The following NBAS variants were observed in gnomAD, a reference collection of about 807,000 sequenced individuals.
NBAS encodes NBAS subunit of NRZ tethering complex.
In NBAS, 219 loss-of-function variants were observed where a neutral mutation model predicts 302.5. That is an observed-to-expected ratio of 0.72 (90% CI 0.65 to 0.81). NBAS has a LOEUF of 0.81. NBAS is among the 30% of genes least tolerant of loss of function. NBAS has a pLI of 0.00. For missense variants in NBAS, 2,932 were observed against 2,841.6 expected (o/e 1.03, Z -0.72); for synonymous variants, 1,118 against 1,021.6 (o/e 1.09, Z -1.80).
intron 32 of NBAS, among the ~76,000 whole-genome samples, chr2:15,356,834 C>T (rs1482680741): frequency 6.6e-6 from 1 of 152,166 alleles, no homozygotes; most frequent in Non-Finnish European, 1.5e-5. Flanking sequence ...AACTTCTCAT[C>T]ATAAAAATTC....
the NBAS span, among the ~76,000 whole-genome samples, chr2:14,917,625 C>T: frequency 2.8e-4 from 42 of 152,290 alleles, no homozygotes; most frequent in Admixed American, 2.7e-3. Flanking sequence ...AGGGTCAAAA[C>T]TGGGCTTTCA....
chr2:15,557,582 G>A (rs1046413286), intron 2 of NBAS, among the ~76,000 whole-genome samples: 1 of 152,100 alleles, frequency 6.6e-6, no homozygotes, highest in African/African-American at 2.4e-5. Context: ...AATTTTATCA[G>A]AAGATAAAAG....
rs761634052 is a variant in NBAS at position 15,167,286 on chromosome 2, AG to A, written c.6877del (p.Leu2293CysfsTer9). 1.4e-5 allele frequency: 22 copies of A among 1,614,148 alleles called. No individual in the cohort carries two copies. The Admixed American group carries it at 3.7e-4, about 27-fold the overall frequency. ...CACCAGCAGCTTGGCATCCAGGAGC[AG>A]GGAAAGAAGTTCTTGGTCACAATTG... ...DSNCDQELLS[L>X]LLDAKLLVKC... On this transcript the variant is annotated frameshift_variant, in exon 52 of 52. Transcript: ENST00000281513. LOFTEE classifies it low-confidence loss of function (END_TRUNC).
At chr2:15,321,789 TAGG>T (rs1671819641) in intron 38 of NBAS, among the ~76,000 whole-genome samples, 1 of 152,134 alleles carries the variant, frequency 6.6e-6, no homozygotes, top group Non-Finnish European at 1.5e-5. Flanking sequence ...ACACTGTTGG[TAGG>T]AGTGTAAATT....
At chr2:15,244,381 G>T (rs1172437302) in intron 44 of NBAS, among the ~76,000 whole-genome samples, 2 of 151,812 alleles carry the variant, frequency 1.3e-5, no homozygotes, top group Non-Finnish European at 2.9e-5. Flanking sequence ...AAGAAACTGG[G>T]GTCATGGAGA....
intron 21 of NBAS, among the ~76,000 whole-genome samples, chr2:15,458,522 T>G (rs1362551201): frequency 2.0e-5 from 3 of 152,156 alleles, no homozygotes; most frequent in African/African-American, 4.8e-5. Flanking sequence ...TTTTCTCTCT[T>G]GCTTCCCTCT....
the NBAS span, among the ~76,000 whole-genome samples, chr2:14,857,659 A>G: frequency 6.6e-6 from 1 of 152,336 alleles, no homozygotes; most frequent in Non-Finnish European, 1.5e-5. Flanking sequence ...CTTGCTATAT[A>G]TAAAAATCAA....
chr2:15,318,225 T>C (rs984984920), intron 38 of NBAS, among the ~76,000 whole-genome samples: 6 of 152,148 alleles, frequency 3.9e-5, no homozygotes, highest in African/African-American at 1.4e-4. Context: ...CAGGCCTGCC[T>C]TACAAGAGCT....
intron 22 of NBAS, 111 bp from the exon 23 acceptor site, chr2:15,424,579 C>T (rs1383710148): frequency 2.4e-6 from 3 of 1,257,470 alleles, no homozygotes; most frequent in East Asian, 4.7e-5. Context: ...AGACAGGGAG[C>T]ATACATGTAT....
chr2:15,115,249 T>C, the NBAS span, among the ~76,000 whole-genome samples: 1 of 152,164 alleles, frequency 6.6e-6, no homozygotes, highest in Non-Finnish European at 1.5e-5. Context: ...GTTTTGCCCC[T>C]GCATGCCATC....
chr2:15,169,048 G>C (rs1664166138), intron 51 of NBAS, among the ~76,000 whole-genome samples: 1 of 152,206 alleles, frequency 6.6e-6, no homozygotes, highest in Non-Finnish European at 1.5e-5. Flanking sequence ...AAATGGCTGA[G>C]TGAACCTACA....
At chr2:15,157,997 G>A in the NBAS span, among the ~76,000 whole-genome samples, 2 of 152,274 alleles carry the variant, frequency 1.3e-5, no homozygotes, top group Non-Finnish European at 2.9e-5. Context: ...TGGCCACTCT[G>A]CACGCTAGGG....
At chr2:14,843,409 G>A in the NBAS span, among the ~76,000 whole-genome samples, 1 of 152,018 alleles carries the variant, frequency 6.6e-6, no homozygotes, top group Non-Finnish European at 1.5e-5. Flanking sequence ...CTAATACTTA[G>A]AAAAATCTGA....
chr2:15,064,289 A>G, the NBAS span, among the ~76,000 whole-genome samples: 41 of 122,836 alleles, frequency 3.3e-4, no homozygotes, highest in African/African-American at 1.1e-3. Flanking sequence ...CTAAGAAAAA[A>G]AGAGAAAAGA....
chr2:15,069,930 A>T, the NBAS span, among the ~76,000 whole-genome samples: 1 of 152,172 alleles, frequency 6.6e-6, no homozygotes, highest in Admixed American at 6.5e-5. Flanking sequence ...GACAAACCTG[A>T]GACCCATTTT....
Position 15,234,727 on chromosome 2 carries a change from A to G in NBAS, c.5964T>C (p.Ser1988=), listed in dbSNP as rs542268641. Residue 1988 remains serine (S), a synonymous_variant, in exon 46 of 52, where the codon AGT becomes AGC. Transcript: ENST00000281513. ...NSEQETLQKY[S]HLYDLSRSEK... ...CTGATCGGGACAGATCATAGAGGTG[A>G]CTGTATTTTTGCAGTGTTTCCTGTA... 1 of 1,614,158 alleles carries G rather than the reference A, an allele frequency of 6.2e-7. No homozygotes were observed. The highest frequency in any genetic ancestry group is 8.5e-7 in the Non-Finnish European group (1 of 1,179,998).
chr2:14,916,446 TTC>T, the NBAS span, among the ~76,000 whole-genome samples: 1 of 152,220 alleles, frequency 6.6e-6, no homozygotes, highest in African/African-American at 2.4e-5. Flanking sequence ...TTGTTTTCTT[TTC>T]TTTTTTATTT....
chr2:15,187,024 A>C, intron 49 of NBAS, 144 bp from the exon 50 acceptor site: 2 of 1,221,944 alleles, frequency 1.6e-6, no homozygotes, highest in African/African-American at 3.0e-5. Context: ...CCTTGTAGAA[A>C]AGATAACACC....
At position 15,539,824 on chromosome 2, in the gene NBAS, T is replaced by C. The variant is rs544823445; in HGVS notation, c.380-468A>G. ...GATACAAATTGGGACTATGCTAACA[T>C]TGTATTAGAAAGGGGGGAAATATAT... On this transcript the variant is annotated intron_variant, in intron 6 of 51. Transcript: ENST00000281513. 3.3e-5 allele frequency among the ~76,000 whole-genome samples: 5 copies of C among 151,816 alleles called. No homozygotes were observed. In the South Asian group the frequency reaches 6.2e-4, roughly 19 times the overall value.
Sources: gnomAD v4.1 joint callset for allele counts (sites outside exome capture counted in the v4.1 genomes callset) on GRCh38, gnomAD v4.1.1 for gene constraint, MANE v1.5 for transcripts, NCBI Gene and HGNC (gene_info 2026-07-23, HGNC 2026-07-21) for gene names.